The following MID1 variants were observed in gnomAD, a reference collection of about 807,000 sequenced individuals.
MID1 encodes the protein E3 ubiquitin-protein ligase Midline-1.
MID1 carries 7 observed loss-of-function variants against 40.4 expected under a neutral mutation model. The observed-to-expected ratio is 0.17, with a 90% CI of 0.10 to 0.33. MID1 has a LOEUF of 0.33. Ranked by LOEUF, MID1 falls within the 10% of genes least tolerant of loss-of-function variation. The pLI, the probability that MID1 is intolerant of heterozygous loss-of-function variation, is 1.00. For synonymous variants in MID1, 229 were observed against 221.2 expected (o/e 1.04, Z -0.31); for missense variants, 367 against 558.5 (o/e 0.66, Z 3.46).
chrX:10,521,285 G>A (rs1234782396), intron 3 of MID1, among the ~76,000 whole-genome samples: 1 of 110,591 alleles, frequency 9.0e-6, no homozygotes, highest in African/African-American at 3.3e-5. Context: ...ATTACAATTC[G>A]ACATGAGATT....
chrX:10,629,363 A>AT (rs371326256), intron 1 of MID1, among the ~76,000 whole-genome samples: 2,555 of 105,057 alleles, frequency 0.024, 93 homozygotes, highest in African/African-American at 0.08. Flanking sequence ...ATGCCTGGCT[A>AT]TTTTTTTTTT....
At chrX:10,576,222 A>G (rs1934868211) in intron 1 of MID1, among the ~76,000 whole-genome samples, 1 of 111,432 alleles carries the variant, frequency 9.0e-6, no homozygotes, top group Non-Finnish European at 1.9e-5. Flanking sequence ...ATGCAAATCA[A>G]ATTAAACTGT....
At chrX:10,612,303 C>A (rs1935748672) in intron 1 of MID1, among the ~76,000 whole-genome samples, 1 of 111,943 alleles carries the variant, frequency 8.9e-6, no homozygotes, top group Non-Finnish European at 1.9e-5. Flanking sequence ...TAGGATTTCA[C>A]TTTAAACATT....
In MID1 at chrX:10,505,890, T is replaced by G. The variant is rs1210203343; in HGVS notation, c.757-10199A>C. 4.0e-6 allele frequency: 3 copies of G among 752,709 alleles called. No homozygotes were observed. The African/African-American group carries it at 6.9e-5, about 17-fold the overall frequency. The allele number at this position is 752,709 out of a possible 1,213,427, so 62.0% of individuals were successfully genotyped here. The stretch of plus-strand genomic sequence containing the variant: ...ACTGAGTTGGACCCCTTTTTGGGTT[T>G]CAGTTACTCAGGTATAGAAGCCATC... On this transcript the variant is annotated intron_variant, in intron 3 of 9. Transcript: ENST00000317552.
intron 1 of MID1, among the ~76,000 whole-genome samples, chrX:10,756,179 T>C (rs1028935054): frequency 8.9e-6 from 1 of 111,779 alleles, no homozygotes; most frequent in Non-Finnish European, 1.9e-5. Context: ...CGGCCACTTA[T>C]GACAGGGCAT....
Position 10,459,851 on chromosome X carries a change from G to A in MID1, c.1286-44C>T, listed in dbSNP as rs188885381. ...ATGGTGCAGTTCTTTGGCACAAGGG[G>A]AGCAATGTTTGCATAATTTTAGGTT... On this transcript the variant is annotated intron_variant, in intron 7 of 9. Transcript: ENST00000317552. The A allele has an allele frequency of 1.5e-5, 17 of 1,148,034 alleles. No homozygotes were observed. In the Admixed American group the frequency reaches 3.3e-4, roughly 22 times the overall value. The allele number at this position is 1,148,034 out of a possible 1,213,427, so 94.6% of individuals were successfully genotyped here. A position where few individuals can be genotyped will look rare whatever the true frequency, so the allele number is the denominator to read the frequency against.
chrX:10,833,427 T>C (rs1039352098), intron 1 of MID1: 2 of 111,933 alleles, frequency 1.8e-5, no homozygotes, highest in African/African-American at 3.2e-5. Flanking sequence ...TCGCAAAGCA[T>C]TGTATTTGTT....
At position 10,461,115 on chromosome X, in the gene MID1, TATC is replaced by T. The variant is rs1426317035; in HGVS notation, c.1286-1311_1286-1309del. Among the ~76,000 whole-genome samples, 294 of 103,876 alleles carry T rather than the reference TATC, an allele frequency of 2.8e-3. 3 individuals carry two copies. Among genetic ancestry groups the T allele is most frequent in the African/African-American group, 0.01 (282 of 27,213 alleles). 90.2% of individuals were successfully genotyped at this position (103,876 alleles called of 115,157 possible). A position where few individuals can be genotyped will look rare whatever the true frequency, so the allele number is the denominator to read the frequency against. Reference sequence around the variant, plus strand: ...ATATATATATATGTATGTATGTATATATCATCTAAAGATATCTAAAGATACACA... The same window carrying T: ...ATATATATATATGTATGTATGTATATATCTAAAGATATCTAAAGATACACA... On this transcript the variant is annotated intron_variant, in intron 7 of 9. Transcript: ENST00000317552.
intron 1 of MID1, among the ~76,000 whole-genome samples, chrX:10,649,268 A>C (rs981465559): frequency 1.8e-5 from 2 of 112,129 alleles, no homozygotes; most frequent in East Asian, 5.6e-4. Flanking sequence ...GAGAAAGCCC[A>C]TTAAGAAAAT....
intron 8 of MID1, among the ~76,000 whole-genome samples, chrX:10,458,502 G>C (rs964606418): frequency 1.8e-5 from 2 of 112,020 alleles, no homozygotes; most frequent in African/African-American, 6.5e-5. Context: ...TATGATAACT[G>C]TACCAAGGTT....
At chrX:10,551,396 T>C (rs1198100579) in intron 2 of MID1, among the ~76,000 whole-genome samples, 2 of 112,584 alleles carry the variant, frequency 1.8e-5, no homozygotes, top group Non-Finnish European at 3.8e-5. Context: ...AAATGGTCTC[T>C]TTATAAGACT....
intron 1 of MID1, among the ~76,000 whole-genome samples, chrX:10,613,732 T>TATATATATAGAG (rs1482081086): frequency 4.0e-4 from 7 of 17,476 alleles, no homozygotes; most frequent in Non-Finnish European, 5.4e-4. Context: ...TATATATATA[T>TATATATATAGAG]AGAGAGAGAG....
intron 1 of MID1, among the ~76,000 whole-genome samples, chrX:10,808,943 A>C (rs889767565): frequency 3.6e-5 from 4 of 112,018 alleles, no homozygotes; most frequent in Admixed American, 9.4e-5. Flanking sequence ...TAATTAAACT[A>C]AAGAGCTTCC....
intron 1 of MID1, among the ~76,000 whole-genome samples, chrX:10,705,718 G>C (rs1170992454): frequency 1.8e-5 from 2 of 111,914 alleles, no homozygotes. Flanking sequence ...CTGAGGCCTA[G>C]AAAGATGGAG....
At chrX:10,540,467 T>G (rs1278488058) in intron 2 of MID1, among the ~76,000 whole-genome samples, 1 of 111,836 alleles carries the variant, frequency 8.9e-6, no homozygotes, top group African/African-American at 3.3e-5. Context: ...TAAACTAGTT[T>G]AATTATAAAG....
At chrX:10,512,421 C>T (rs1462708725) in intron 3 of MID1, among the ~76,000 whole-genome samples, 1 of 112,647 alleles carries the variant, frequency 8.9e-6, no homozygotes, top group Non-Finnish European at 1.9e-5. Context: ...CTGGCTGATT[C>T]TTGTTATATC....
intron 1 of MID1, among the ~76,000 whole-genome samples, chrX:10,653,565 C>T (rs1418151628): frequency 8.9e-6 from 1 of 112,590 alleles, no homozygotes; most frequent in African/African-American, 3.2e-5. Context: ...CCTCCTTAAA[C>T]TTTCCTATAC....
At chrX:10,758,586 G>A (rs2043652091) in intron 1 of MID1, among the ~76,000 whole-genome samples, 1 of 101,904 alleles carries the variant, frequency 9.8e-6, no homozygotes, top group Non-Finnish European at 2.0e-5. Flanking sequence ...CGCCTCCCAG[G>A]TTCATGCCAT....
At chrX:10,563,607 G>A (rs916084252) in intron 2 of MID1, among the ~76,000 whole-genome samples, 1 of 111,883 alleles carries the variant, frequency 8.9e-6, no homozygotes, top group African/African-American at 3.2e-5. Context: ...TTATGGATAC[G>A]CTCCACTTAG....
Sources: allele counts gnomAD v4.1 joint callset (sites outside exome capture counted in the v4.1 genomes callset), GRCh38; gene constraint gnomAD v4.1.1; transcripts MANE v1.5; gene names NCBI Gene and HGNC (gene_info 2026-07-23, HGNC 2026-07-21).